The following CSMD1 variants were observed in gnomAD, a reference collection of about 807,000 sequenced individuals.
The protein encoded by CSMD1 is CUB and Sushi multiple domains 1.
A neutral mutation model predicts 417.5 loss-of-function variants in CSMD1; 213 were observed. That is an observed-to-expected ratio of 0.51 (90% CI 0.46 to 0.57). The LOEUF (loss-of-function observed/expected upper bound fraction) is 0.57. Among genes scored for constraint, CSMD1 ranks in the 20% least tolerant of loss-of-function variants. CSMD1 has a pLI of 0.00. For synonymous variants in CSMD1, 2,862 were observed against 1,736.8 expected, an observed-to-expected ratio of 1.65 and a Z score of -16.11; for missense variants, 6,923 against 4,529.7, an observed-to-expected ratio of 1.53 and a Z score of -15.17.
intron 5 of CSMD1, among the ~76,000 whole-genome samples, chr8:3,777,288 A>G (rs575335566): frequency 2.0e-5 from 3 of 152,194 alleles, no homozygotes; most frequent in South Asian, 4.1e-4. Context: ...CACAGTCCAC[A>G]GTCAGTAAAT....
At chr8:3,332,913 C>T (rs1338680497) in intron 23 of CSMD1, among the ~76,000 whole-genome samples, 1 of 152,154 alleles carries the variant, frequency 6.6e-6, no homozygotes, top group Non-Finnish European at 1.5e-5. Flanking sequence ...CCAGATGCCA[C>T]GGAAGTGTCT....
At chr8:3,258,781 G>T (rs1305094762) in intron 26 of CSMD1, among the ~76,000 whole-genome samples, 1 of 152,218 alleles carries the variant, frequency 6.6e-6, no homozygotes, top group Non-Finnish European at 1.5e-5. Flanking sequence ...ATGAGATCAT[G>T]TCCTTTACAG....
intron 1 of CSMD1, among the ~76,000 whole-genome samples, chr8:4,691,408 A>T (rs1806761103): frequency 6.6e-6 from 1 of 152,218 alleles, no homozygotes; most frequent in Admixed American, 6.5e-5. Flanking sequence ...ACCTTCTTGC[A>T]ACATATTGAG....
intron 1 of CSMD1, among the ~76,000 whole-genome samples, chr8:4,801,858 T>C (rs12678251): frequency 0.07 from 10,699 of 152,234 alleles, 634 homozygotes; most frequent in East Asian, 0.23. Flanking sequence ...TTCAGACTAC[T>C]GAGACTTGGC....
chr8:3,170,635 G>C (rs1820529380), intron 37 of CSMD1, among the ~76,000 whole-genome samples: 1 of 152,138 alleles, frequency 6.6e-6, no homozygotes, highest in Non-Finnish European at 1.5e-5. Context: ...GATTGATCTT[G>C]AATGGCCATT....
chr8:3,903,006 G>A (rs180852465), intron 5 of CSMD1, among the ~76,000 whole-genome samples: 11 of 152,100 alleles, frequency 7.2e-5, no homozygotes, highest in African/African-American at 1.7e-4. Context: ...CTAGTCTTAC[G>A]ATGAATGCAC....
rs1014018113 is a variant in CSMD1, at chr8:3,190,465, C to T, written c.5195-350G>A. On this transcript the variant is annotated intron_variant, in intron 33 of 69. Coordinates refer to ENST00000635120, the MANE Select transcript of CSMD1 (RefSeq NM_033225.6). ...GGACGGATTGATATTCAGGCGATTA[C>T]ATTTAATCATCCTGCTAGTGATAAT... Among the ~76,000 whole-genome samples the T allele has an allele frequency of 3.3e-5, 5 of 152,198 alleles. No individual in the cohort carries two copies. The East Asian group carries it at 9.6e-4, about 29-fold the overall frequency.
intron 2 of CSMD1, among the ~76,000 whole-genome samples, chr8:4,491,454 G>A (rs557684817): frequency 6.6e-6 from 1 of 152,162 alleles, no homozygotes; most frequent in South Asian, 2.1e-4. Context: ...GCCTGTGAAA[G>A]GATATGTTAA....
At chr8:3,050,764 T>C (rs1811767470) in intron 50 of CSMD1, among the ~76,000 whole-genome samples, 1 of 152,194 alleles carries the variant, frequency 6.6e-6, no homozygotes, top group South Asian at 2.1e-4. Context: ...TCAACCGCCT[T>C]CCATAATTGT....
At chr8:4,462,937 C>G (rs746213959) in intron 2 of CSMD1, among the ~76,000 whole-genome samples, 4 of 151,832 alleles carry the variant, frequency 2.6e-5, no homozygotes, top group African/African-American at 9.7e-5. Flanking sequence ...ATCAAAAGCA[C>G]AAGAAAAGAA....
chr8:3,933,071 A>T (rs1219000921), intron 5 of CSMD1, among the ~76,000 whole-genome samples: 2 of 150,070 alleles, frequency 1.3e-5, no homozygotes, highest in Admixed American at 1.3e-4. Flanking sequence ...TCTCATTAAA[A>T]AAAAACAAAA....
At chr8:3,415,464 T>G (rs1294107070) in intron 12 of CSMD1, among the ~76,000 whole-genome samples, 5 of 152,174 alleles carry the variant, frequency 3.3e-5, no homozygotes, top group African/African-American at 1.2e-4. Context: ...TTCAAGAGAT[T>G]CTCTTGGCTC....
intron 5 of CSMD1, among the ~76,000 whole-genome samples, chr8:3,807,373 C>T (rs986373396): frequency 1.3e-5 from 2 of 152,002 alleles, no homozygotes; most frequent in African/African-American, 4.8e-5. Flanking sequence ...GGGAATATTC[C>T]CAAGCCCTTT....
intron 2 of CSMD1, among the ~76,000 whole-genome samples, chr8:4,609,298 G>C (rs1439065049): frequency 5.3e-5 from 8 of 152,158 alleles, no homozygotes; most frequent in Non-Finnish European, 1.2e-4. Flanking sequence ...CTACTCAGGA[G>C]GCTGAGGTGG....
chr8:4,856,178 A>C (rs1801788727), intron 1 of CSMD1, among the ~76,000 whole-genome samples: 1 of 134,816 alleles, frequency 7.4e-6, no homozygotes, highest in South Asian at 2.6e-4. Context: ...TTCATAAGTG[A>C]AGGAGAAATA....
At chr8:3,522,655 G>A (rs1261174108) in intron 10 of CSMD1, among the ~76,000 whole-genome samples, 1 of 151,956 alleles carries the variant, frequency 6.6e-6, no homozygotes, top group South Asian at 2.1e-4. Flanking sequence ...TGCAGACTTT[G>A]TGACATGTGA....
intron 7 of CSMD1, among the ~76,000 whole-genome samples, chr8:3,644,590 G>A (rs940919978): frequency 6.6e-6 from 1 of 152,146 alleles, no homozygotes; most frequent in Non-Finnish European, 1.5e-5. Flanking sequence ...TTGCAGAGCT[G>A]TGAAAGGAAT....
intron 1 of CSMD1, among the ~76,000 whole-genome samples, chr8:4,696,425 C>T (rs1366156907): frequency 1.3e-5 from 2 of 152,146 alleles, no homozygotes; most frequent in Non-Finnish European, 2.9e-5. Flanking sequence ...CCTGCTTCTC[C>T]TATTTCTCTA....
intron 7 of CSMD1, among the ~76,000 whole-genome samples, chr8:3,660,634 C>T (rs1005354939): frequency 6.6e-6 from 1 of 151,372 alleles, no homozygotes; most frequent in African/African-American, 2.4e-5. Flanking sequence ...GATTCTCCTA[C>T]CTCAGCCTCC....
Sources: allele counts gnomAD v4.1 joint callset (sites outside exome capture counted in the v4.1 genomes callset), GRCh38; gene constraint gnomAD v4.1.1; transcripts MANE v1.5; gene names NCBI Gene and HGNC (gene_info 2026-07-23, HGNC 2026-07-21).